The following SLC44A1 variants were observed in gnomAD, a reference collection of about 807,000 sequenced individuals.
SLC44A1 encodes solute carrier family 44 member 1.
Under a neutral mutation model 79.3 loss-of-function variants are expected in SLC44A1, and 26 were observed. The observed-to-expected ratio is 0.33, with a 90% CI of 0.24 to 0.46. The LOEUF (loss-of-function observed/expected upper bound fraction) is 0.46. SLC44A1 is among the 20% of genes least tolerant of loss of function. The pLI is 1.00. For synonymous variants in SLC44A1, 263 were observed against 286.2 expected (o/e 0.92, Z 0.82); for missense variants, 688 against 798.1 (o/e 0.86, Z 1.66).
chr9:105,248,196 TA>T (rs1479520346), intron 1 of SLC44A1, among the ~76,000 whole-genome samples: 2 of 152,272 alleles, frequency 1.3e-5, no homozygotes, highest in African/African-American at 4.8e-5. Context: ...TTTATCAATG[TA>T]AATAAAGTGC....
intron 1 of SLC44A1, among the ~76,000 whole-genome samples, chr9:105,258,947 C>T (rs142753530): frequency 2.4e-3 from 359 of 151,996 alleles, no homozygotes; most frequent in African/African-American, 7.3e-3. Flanking sequence ...TCAGGTGATC[C>T]GCCCGCCTAG....
chr9:105,372,806 C>G (rs924342471), intron 12 of SLC44A1, among the ~76,000 whole-genome samples: 1 of 146,754 alleles, frequency 6.8e-6, no homozygotes, highest in African/African-American at 2.4e-5. Flanking sequence ...AAAAATTAGC[C>G]GGGCGTAGTG....
chr9:105,395,610 C>G lies in SLC44A1; in HGVS notation c.*6554C>G. 9 of 985,218 alleles carry G rather than the reference C, an allele frequency of 9.1e-6. No homozygotes were observed. The highest frequency in any genetic ancestry group is 1.1e-5 in the Non-Finnish European group (9 of 829,748). The allele number at this position is 985,218 out of a possible 1,614,324, so 61.0% of individuals were successfully genotyped here. ...GGATAGAAAAGGGCGTAAGTCCAGT[C>G]TAAGTATCTAAATGTGATATGCCCT... On this transcript the variant is annotated 3_prime_UTR_variant, in exon 16 of 16. Transcript: ENST00000374720.
intron 1 of SLC44A1, among the ~76,000 whole-genome samples, chr9:105,271,008 G>A (rs1266268210): frequency 1.3e-5 from 2 of 152,142 alleles, no homozygotes; most frequent in Non-Finnish European, 2.9e-5. Flanking sequence ...ATCTTAAAAC[G>A]GTAAAAACTA....
intron 1 of SLC44A1, among the ~76,000 whole-genome samples, chr9:105,296,356 G>A (rs1160972175): frequency 6.6e-6 from 1 of 152,138 alleles, no homozygotes; most frequent in African/African-American, 2.4e-5. Context: ...TAGCACAGAC[G>A]TGACCCACAG....
intron 1 of SLC44A1, among the ~76,000 whole-genome samples, chr9:105,278,065 T>C: frequency 6.7e-6 from 1 of 149,530 alleles, no homozygotes; most frequent in Non-Finnish European, 1.5e-5. Context: ...TTTGCAGCCT[T>C]CTTTTTTTTT....
At chr9:105,387,752 A>T (rs1828669109) in intron 15 of SLC44A1, among the ~76,000 whole-genome samples, 1 of 152,176 alleles carries the variant, frequency 6.6e-6, no homozygotes, top group Non-Finnish European at 1.5e-5. Flanking sequence ...GAGTTGGCAC[A>T]GATTTCTATA....
At chr9:105,428,033 G>A (rs1829345261) in intron 15 of SLC44A1, among the ~76,000 whole-genome samples, 1 of 151,966 alleles carries the variant, frequency 6.6e-6, no homozygotes, top group Admixed American at 6.6e-5. Flanking sequence ...ATGTATTAGG[G>A]ATACTAGTAC....
chr9:105,359,287 A>G (rs1485833050), intron 7 of SLC44A1, among the ~76,000 whole-genome samples: 2 of 152,204 alleles, frequency 1.3e-5, no homozygotes, highest in Non-Finnish European at 2.9e-5. Flanking sequence ...GTCTTCCTGA[A>G]TGTAAAGGAA....
intron 3 of SLC44A1, among the ~76,000 whole-genome samples, chr9:105,324,226 C>T (rs2131338078): frequency 6.6e-6 from 1 of 151,068 alleles, no homozygotes; most frequent in Non-Finnish European, 1.5e-5. Context: ...ATCAGGATTA[C>T]AGGCGTGATT....
intron 15 of SLC44A1, among the ~76,000 whole-genome samples, chr9:105,405,944 A>C (rs970400788): frequency 6.6e-6 from 1 of 152,198 alleles, no homozygotes; most frequent in Non-Finnish European, 1.5e-5. Flanking sequence ...GGAAATGTCC[A>C]AGGCCACACA....
At chr9:105,247,399 G>A (rs776105572) in intron 1 of SLC44A1, among the ~76,000 whole-genome samples, 1 of 152,198 alleles carries the variant, frequency 6.6e-6, no homozygotes, top group Non-Finnish European at 1.5e-5. Flanking sequence ...CTGGGTTCGA[G>A]CGATTTTCCT....
intron 1 of SLC44A1, among the ~76,000 whole-genome samples, chr9:105,256,467 A>C (rs974505008): frequency 1.8e-4 from 28 of 152,306 alleles, no homozygotes; most frequent in Admixed American, 5.2e-4. Flanking sequence ...TTCAGGGCTA[A>C]TATGAGACTC....
At chr9:105,267,147 G>A (rs982834691) in intron 1 of SLC44A1, among the ~76,000 whole-genome samples, 3 of 152,120 alleles carry the variant, frequency 2.0e-5, no homozygotes, top group African/African-American at 7.2e-5. Context: ...ATAGTTGAGT[G>A]GATACAGAAT....
intron 15 of SLC44A1, among the ~76,000 whole-genome samples, chr9:105,426,649 T>A (rs2131521500): frequency 6.6e-6 from 1 of 152,302 alleles, no homozygotes; most frequent in Non-Finnish European, 1.5e-5. Flanking sequence ...TAGGGAAGAT[T>A]GGTAATTTGC....
chr9:105,334,870 C>T (rs1160395147), intron 3 of SLC44A1, among the ~76,000 whole-genome samples: 2 of 152,210 alleles, frequency 1.3e-5, no homozygotes, highest in African/African-American at 4.8e-5. Flanking sequence ...CTGTAATGGA[C>T]AGTATTTAAA....
At position 105,395,166 on chromosome 9, in the gene SLC44A1, T is replaced by C; in HGVS notation, c.*6110T>C. 2.0e-6 allele frequency: 2 copies of C among 985,456 alleles called. No homozygotes were observed. The highest frequency in any genetic ancestry group is 2.4e-6 in the Non-Finnish European group (2 of 829,960). The allele number at this position is 985,456 out of a possible 1,614,324, so 61.0% of individuals were successfully genotyped here. The stretch of plus-strand genomic sequence containing the variant: ...CTGGCTGGTGAAGAAAGGAGAAAAG[T>C]CAGCCCCCTACCCCACCCCACACTC... On this transcript the variant is annotated 3_prime_UTR_variant, in exon 16 of 16. Coordinates refer to ENST00000374720, the MANE Select transcript of SLC44A1 (RefSeq NM_080546.5).
chr9:105,320,259 G>GT (rs1220039907), intron 3 of SLC44A1, among the ~76,000 whole-genome samples: 1 of 138,384 alleles, frequency 7.2e-6, no homozygotes, highest in Non-Finnish European at 1.6e-5. Flanking sequence ...TGTTCACTAG[G>GT]TTTTTTGCCA....
Position 105,396,719 on chromosome 9 carries a change from G to C in SLC44A1, c.*7663G>C. On this transcript the variant is annotated 3_prime_UTR_variant, in exon 16 of 16. Coordinates refer to ENST00000374720, the MANE Select transcript of SLC44A1 (RefSeq NM_080546.5). ...ATATTTCTCAATCTGATGCCTTTTT[G>C]TCTTTTTTTTTTTTTGCCATTTGCA... The C allele has an allele frequency of 3.1e-6, 3 of 977,276 alleles. No individual in the cohort carries two copies. Among genetic ancestry groups the C allele is most frequent in the Non-Finnish European group, 3.6e-6 (3 of 824,252 alleles). 60.5% of individuals were successfully genotyped at this position (977,276 alleles called of 1,614,324 possible). A position where few individuals can be genotyped will look rare whatever the true frequency, so the allele number is the denominator to read the frequency against.
Sources: allele counts gnomAD v4.1 joint callset (sites outside exome capture counted in the v4.1 genomes callset), GRCh38; gene constraint gnomAD v4.1.1; transcripts MANE v1.5; gene names NCBI Gene and HGNC (gene_info 2026-07-23, HGNC 2026-07-21).